The following PHF14 variants were observed in gnomAD, a reference collection of about 807,000 sequenced individuals.
PHF14 encodes the protein PHD finger protein 14.
PHF14 carries 55 observed loss-of-function variants against 117.9 expected under a neutral mutation model. The ratio of observed to expected loss-of-function variants is 0.47; its 90% confidence interval spans 0.38 to 0.58. PHF14 has a LOEUF of 0.58. Ranked by LOEUF, PHF14 falls within the 20% of genes least tolerant of loss-of-function variation. The probability of loss-of-function intolerance (pLI) is 0.00; values close to 1 mark genes in which losing one functional copy is unlikely to be tolerated. For missense variants in PHF14, 978 were observed against 1,122.2 expected, an observed-to-expected ratio of 0.87 and a Z score of 1.84; for synonymous variants, 409 against 368.6, an observed-to-expected ratio of 1.11 and a Z score of -1.26.
chr7:11,080,300 C>T (rs1415229406), intron 16 of PHF14, among the ~76,000 whole-genome samples: 1 of 152,026 alleles, frequency 6.6e-6, no homozygotes, highest in African/African-American at 2.4e-5. Flanking sequence ...TTATATTACA[C>T]GTGCATACTT....
At chr7:11,075,925 A>G (rs1165092388) in intron 16 of PHF14, among the ~76,000 whole-genome samples, 1 of 152,036 alleles carries the variant, frequency 6.6e-6, no homozygotes, top group Non-Finnish European at 1.5e-5. Context: ...AGGTCAGGAG[A>G]TCGAGAGCAT....
chr7:11,052,709 T>C (rs1784885190), intron 14 of PHF14, among the ~76,000 whole-genome samples: 1 of 152,218 alleles, frequency 6.6e-6, no homozygotes, highest in Admixed American at 6.5e-5. Context: ...TCAGTACTAA[T>C]GATTTTGTTC....
intron 16 of PHF14, chr7:11,103,444 A>G (rs1268708269): frequency 1.2e-5 from 12 of 982,600 alleles, no homozygotes; most frequent in African/African-American, 1.8e-5. Context: ...CAACATCTGT[A>G]TCTTTCCAGA....
intron 4 of PHF14, among the ~76,000 whole-genome samples, chr7:10,995,873 G>T (rs115322277): frequency 6.6e-6 from 1 of 152,174 alleles, no homozygotes; most frequent in African/African-American, 2.4e-5. Context: ...GCCCGCAAGC[G>T]CCTTGCACAG....
rs1782092988 is a variant in PHF14, at chr7:10,982,955, T to G, written c.696T>G (p.Ser232Arg). The G allele has an allele frequency of 6.3e-7, 1 of 1,597,314 alleles. No homozygotes were observed. The highest frequency in any genetic ancestry group is 1.8e-5 in the Admixed American group (1 of 56,418). The change falls in exon 3 of 18, where the codon AGT (serine) becomes AGG (arginine). Residue 232 changes from serine (S) to arginine (R), a missense_variant. Physicochemically the swap from Ser to Arg is moderately radical, Grantham distance 110. Coordinates refer to ENST00000634607, the MANE Select transcript of PHF14 (RefSeq NM_001007157.2). ...KGRSASQKEG[S>R]DGDNEDDEDE... Reference sequence around the variant, plus strand: ...GATCTGCGTCTCAGAAAGAGGGAAGTGATGGAGACAATGAGGATGATGAAG... The same window carrying G: ...GATCTGCGTCTCAGAAAGAGGGAAGGGATGGAGACAATGAGGATGATGAAG...
At chr7:10,991,420 C>T (rs1490822212) in intron 4 of PHF14, among the ~76,000 whole-genome samples, 2 of 152,088 alleles carry the variant, frequency 1.3e-5, no homozygotes, top group African/African-American at 4.8e-5. Flanking sequence ...TCGTGATCCA[C>T]CCGCCTTGGC....
chr7:11,054,049 A>C (rs1784936208), intron 14 of PHF14, among the ~76,000 whole-genome samples: 1 of 152,092 alleles, frequency 6.6e-6, no homozygotes, highest in Non-Finnish European at 1.5e-5. Context: ...TAATATTTAG[A>C]AACAGGATTA....
chr7:10,996,926 C>T (rs1229707988), intron 4 of PHF14, among the ~76,000 whole-genome samples: 3 of 152,110 alleles, frequency 2.0e-5, no homozygotes, highest in Non-Finnish European at 2.9e-5. Context: ...ACTCAACAGC[C>T]GTAGGTTTTA....
At chr7:11,066,980 A>C (rs1056379021) in intron 16 of PHF14, among the ~76,000 whole-genome samples, 10 of 152,182 alleles carry the variant, frequency 6.6e-5, no homozygotes, top group African/African-American at 2.4e-4. Flanking sequence ...ACTAAATTCA[A>C]AGTTAAAAAC....
At chr7:11,073,020 A>G (rs954590036) in intron 16 of PHF14, among the ~76,000 whole-genome samples, 2 of 152,188 alleles carry the variant, frequency 1.3e-5, no homozygotes, top group African/African-American at 4.8e-5. Context: ...CCCACCTCCA[A>G]TATTGGAGAT....
chr7:11,138,053 T>TA (rs1348324367), intron 17 of PHF14, among the ~76,000 whole-genome samples: 1 of 151,876 alleles, frequency 6.6e-6, no homozygotes, highest in East Asian at 1.9e-4. Context: ...TTTTTTTTTT[T>TA]TGAGACGGAG....
chr7:11,143,430 T>C (rs540533541), intron 17 of PHF14, among the ~76,000 whole-genome samples: 1 of 152,172 alleles, frequency 6.6e-6, no homozygotes, highest in South Asian at 2.1e-4. Flanking sequence ...CAATTTTTTT[T>C]ATATTGTTCC....
chr7:11,072,197 G>A (rs1016838672), intron 16 of PHF14, among the ~76,000 whole-genome samples: 1 of 152,164 alleles, frequency 6.6e-6, no homozygotes, highest in African/African-American at 2.4e-5. Context: ...GAAAGCAAAG[G>A]GGGTAAAGGC....
intron 17 of PHF14, among the ~76,000 whole-genome samples, chr7:11,113,448 CTGTT>C (rs1197055699): frequency 6.6e-6 from 1 of 152,098 alleles, no homozygotes; most frequent in African/African-American, 2.4e-5. Context: ...TTGCTGTACT[CTGTT>C]TGACCTGTGG....
At chr7:11,035,898 T>A (rs543141034) in intron 8 of PHF14, 112 bp downstream of exon 8, 1 of 796,388 alleles carries the variant, frequency 1.3e-6, no homozygotes. Flanking sequence ...TTTGGTTAGT[T>A]ACCTAGGAAA....
intron 7 of PHF14, among the ~76,000 whole-genome samples, chr7:11,030,460 C>A (rs1784083302): frequency 1.3e-5 from 2 of 152,052 alleles, no homozygotes; most frequent in Non-Finnish European, 2.9e-5. Flanking sequence ...GGCAAGATGG[C>A]AGCTAATTAA....
chr7:11,139,250 T>C (rs1788334898), intron 17 of PHF14, among the ~76,000 whole-genome samples: 1 of 152,096 alleles, frequency 6.6e-6, no homozygotes, highest in Admixed American at 6.5e-5. Flanking sequence ...AGAAAATGTT[T>C]AAATAATTTT....
intron 16 of PHF14, among the ~76,000 whole-genome samples, chr7:11,095,539 A>G (rs1786815618): frequency 1.3e-5 from 2 of 152,140 alleles, no homozygotes; most frequent in Non-Finnish European, 2.9e-5. Flanking sequence ...GTATCCCTAG[A>G]AGTAAATGGA....
At chr7:11,070,719 T>G (rs1157915333) in intron 16 of PHF14, among the ~76,000 whole-genome samples, 2 of 152,244 alleles carry the variant, frequency 1.3e-5, no homozygotes, top group African/African-American at 4.8e-5. Flanking sequence ...GTCAATTAAT[T>G]TACTTTGTCC....
Sources: allele counts gnomAD v4.1 joint callset (sites outside exome capture counted in the v4.1 genomes callset), GRCh38; gene constraint gnomAD v4.1.1; transcripts MANE v1.5; gene names NCBI Gene and HGNC (gene_info 2026-07-23, HGNC 2026-07-21).